The following CDK17 variants were observed in gnomAD, a reference collection of about 807,000 sequenced individuals.
The protein encoded by CDK17 is cyclin dependent kinase 17.
Under a neutral mutation model 77.6 loss-of-function variants are expected in CDK17, and 24 were observed. The ratio of observed to expected loss-of-function variants is 0.31; its 90% CI spans 0.22 to 0.44. The LOEUF is 0.44. CDK17 is among the 20% of genes least tolerant of loss of function. CDK17 has a pLI of 1.00. For missense variants in CDK17, 429 were observed against 622.5 expected, an observed-to-expected ratio of 0.69 and a Z score of 3.31; for synonymous variants, 203 against 210.4, an observed-to-expected ratio of 0.96 and a Z score of 0.30.
intron 10 of CDK17, among the ~76,000 whole-genome samples, chr12:96,291,628 C>CTTTTTTTTTTTTT (rs1164677307): frequency 1.7e-5 from 2 of 117,776 alleles, no homozygotes; most frequent in African/African-American, 3.1e-5. Context: ...ATTCCTTTTG[C>CTTTTTTTTTTTTT]TTTTTTTTTT....
intron 13 of CDK17, 33 bp downstream of exon 13, chr12:96,286,010 T>C (rs752563266): frequency 9.5e-7 from 1 of 1,049,096 alleles, no homozygotes; most frequent in Non-Finnish European, 1.5e-6. Context: ...GAATCATGTG[T>C]TTTCCCCCCT....
chr12:96,378,742 C>T (rs1295812238), intron 1 of CDK17, among the ~76,000 whole-genome samples: 1 of 152,122 alleles, frequency 6.6e-6, no homozygotes, highest in Non-Finnish European at 1.5e-5. Context: ...GATTGAGTGA[C>T]TAAACTACGG....
At chr12:96,325,966 G>A (rs1339302724) in intron 2 of CDK17, among the ~76,000 whole-genome samples, 1 of 152,196 alleles carries the variant, frequency 6.6e-6, no homozygotes, top group African/African-American at 2.4e-5. Context: ...TGCGGCTGCA[G>A]TGAGCTAAGA....
intron 1 of CDK17, among the ~76,000 whole-genome samples, chr12:96,355,622 G>A (rs1953382519): frequency 1.3e-5 from 2 of 152,018 alleles, no homozygotes; most frequent in South Asian, 4.1e-4. Context: ...TGGCGAGGAT[G>A]GTCTCCGCCT....
Position 96,324,183 on chromosome 12 carries a change from G to A in CDK17, c.119-71C>T, listed in dbSNP as rs1301388943. ...TCCAGGATCACATGAGAAGGATTCA[G>A]AAAGCAAAACAAAAAGTTGTAACAG... On this transcript the variant is annotated intron_variant, in intron 2 of 16. Coordinates refer to ENST00000261211, the MANE Select transcript of CDK17 (RefSeq NM_002595.5). 4 of 1,268,784 alleles carry A rather than the reference G, an allele frequency of 3.2e-6. No homozygotes were observed. In the East Asian group the frequency reaches 1.0e-4, roughly 32 times the overall value. The allele number at this position is 1,268,784 out of a possible 1,614,324, so 78.6% of individuals were successfully genotyped here. A position where few individuals can be genotyped will look rare whatever the true frequency, so the allele number is the denominator to read the frequency against.
intron 1 of CDK17, among the ~76,000 whole-genome samples, chr12:96,379,431 A>T (rs552653528): frequency 1.3e-5 from 2 of 148,848 alleles, no homozygotes; most frequent in Non-Finnish European, 1.5e-5. Flanking sequence ...TTTAAATCTA[A>T]TTTTTTTTTT....
At chr12:96,301,241 C>CAAAA (rs376295045) in intron 5 of CDK17, among the ~76,000 whole-genome samples, 91 of 85,416 alleles carry the variant, frequency 1.1e-3, no homozygotes, top group African/African-American at 3.0e-3. Flanking sequence ...AACACTCGGC[C>CAAAA]AAAAAAAAAA....
intron 1 of CDK17, among the ~76,000 whole-genome samples, chr12:96,339,547 T>C (rs1953093706): frequency 6.6e-6 from 1 of 151,882 alleles, no homozygotes. Context: ...TTACAACTTT[T>C]TTAAAAATTA....
chr12:96,287,650 C>T (rs1202200893), intron 11 of CDK17, among the ~76,000 whole-genome samples: 1 of 151,880 alleles, frequency 6.6e-6, no homozygotes, highest in Non-Finnish European at 1.5e-5. Flanking sequence ...GACAATGTCT[C>T]TTAAAAAGAA....
At chr12:96,359,847 A>G (rs575894806) in intron 1 of CDK17, among the ~76,000 whole-genome samples, 55 of 152,342 alleles carry the variant, frequency 3.6e-4, no homozygotes, top group African/African-American at 1.3e-3. Flanking sequence ...ATCCCTTGAT[A>G]AGTACATAGA....
intron 13 of CDK17, among the ~76,000 whole-genome samples, chr12:96,285,241 T>C (rs1306797145): frequency 1.3e-5 from 2 of 152,240 alleles, no homozygotes; most frequent in Non-Finnish European, 2.9e-5. Context: ...AGAATGGTAT[T>C]AGTTGCTATA....
intron 16 of CDK17, 175 bp from the exon 17 acceptor site, chr12:96,280,454 A>G (rs893129676): frequency 6.3e-6 from 9 of 1,423,398 alleles, no homozygotes; most frequent in Non-Finnish European, 7.3e-6. Flanking sequence ...TACAGCTTCT[A>G]TGCTTCGAAG....
At chr12:96,327,586 T>C (rs1399028203) in intron 2 of CDK17, among the ~76,000 whole-genome samples, 1 of 152,142 alleles carries the variant, frequency 6.6e-6, no homozygotes, top group Non-Finnish European at 1.5e-5. Flanking sequence ...CTTGCTCTGT[T>C]GCACAGGCTG....
chr12:96,285,130 C>T (rs1952230465), intron 13 of CDK17, among the ~76,000 whole-genome samples: 1 of 151,836 alleles, frequency 6.6e-6, no homozygotes, highest in Non-Finnish European at 1.5e-5. Flanking sequence ...TGAACATTAC[C>T]AAAAAATAAT....
intron 11 of CDK17, among the ~76,000 whole-genome samples, chr12:96,287,858 T>C (rs1408593419): frequency 6.6e-6 from 1 of 152,158 alleles, no homozygotes; most frequent in Non-Finnish European, 1.5e-5. Context: ...AATTCTGGCA[T>C]ACACTACAAC....
At chr12:96,304,344 C>T (rs189365730) in intron 5 of CDK17, among the ~76,000 whole-genome samples, 28 of 152,298 alleles carry the variant, frequency 1.8e-4, no homozygotes, top group Non-Finnish European at 2.9e-5. Flanking sequence ...CAAGACCATC[C>T]TGGCCAACAT....
intron 2 of CDK17, among the ~76,000 whole-genome samples, chr12:96,333,236 G>A (rs1952996320): frequency 6.6e-6 from 1 of 152,054 alleles, no homozygotes; most frequent in Admixed American, 6.6e-5. Flanking sequence ...CCTCTGGCAA[G>A]AGGAACAACA....
rs983913398 is a variant in CDK17 at position 96,279,893 on chromosome 12, G to C, written c.*349C>G. ...CAACTTCTTCAGGCATTCAATTGTT[G>C]TGTTAAATAAACAGACAGTAGTTAT... On this transcript the variant is annotated 3_prime_UTR_variant, in exon 17 of 17. Coordinates refer to ENST00000261211, the MANE Select transcript of CDK17 (RefSeq NM_002595.5). 1.0e-5 allele frequency: 2 copies of C among 194,940 alleles called. No homozygotes were observed. Among genetic ancestry groups the C allele is most frequent in the African/African-American group, 4.6e-5 (2 of 43,136 alleles). 12.1% of individuals were successfully genotyped at this position (194,940 alleles called of 1,614,324 possible). A position where few individuals can be genotyped will look rare whatever the true frequency, so the allele number is the denominator to read the frequency against.
intron 3 of CDK17, among the ~76,000 whole-genome samples, chr12:96,316,604 G>A (rs1411334628): frequency 1.4e-5 from 2 of 139,886 alleles, no homozygotes; most frequent in Admixed American, 7.5e-5. Flanking sequence ...CGCAGCTGGA[G>A]ATCTGAGAAC....
Sources: gnomAD v4.1 joint callset for allele counts (sites outside exome capture counted in the v4.1 genomes callset) on GRCh38, gnomAD v4.1.1 for gene constraint, MANE v1.5 for transcripts, NCBI Gene and HGNC (gene_info 2026-07-23, HGNC 2026-07-21) for gene names.